The following PLPP4 variants were observed in gnomAD, a reference collection of about 807,000 sequenced individuals.
PLPP4 encodes the protein phospholipid phosphatase 4.
A neutral mutation model predicts 32.2 loss-of-function variants in PLPP4; 20 were observed. The observed-to-expected ratio is 0.62, with a 90% CI of 0.44 to 0.90. PLPP4 has a LOEUF of 0.90. Among genes scored for constraint, PLPP4 ranks in the 40% least tolerant of loss-of-function variants. The pLI is 0.00. For synonymous variants in PLPP4, 127 were observed against 133.0 expected, an observed-to-expected ratio of 0.95 and a Z score of 0.31; for missense variants, 257 against 353.1, an observed-to-expected ratio of 0.73 and a Z score of 2.18.
intron 1 of PLPP4, among the ~76,000 whole-genome samples, chr10:120,481,561 C>G (rs1260861130): frequency 6.6e-6 from 1 of 152,172 alleles, no homozygotes; most frequent in African/African-American, 2.4e-5. Flanking sequence ...GCTAACTCTT[C>G]CTGGAAGTTC....
chr10:120,528,068 CGT>C (rs1491335356), intron 5 of PLPP4, among the ~76,000 whole-genome samples: 4 of 120,272 alleles, frequency 3.3e-5, no homozygotes, highest in African/African-American at 1.4e-4. Context: ...TACCACTCTC[CGT>C]TTTTTTTTTT....
chr10:120,571,407 G>A (rs1341006968), intron 5 of PLPP4, among the ~76,000 whole-genome samples: 2 of 151,980 alleles, frequency 1.3e-5, no homozygotes, highest in Non-Finnish European at 2.9e-5. Flanking sequence ...AGGTAGGGTG[G>A]GGGACAGACA....
At chr10:120,574,240 C>T (rs571223782) in intron 5 of PLPP4, among the ~76,000 whole-genome samples, 10 of 122,982 alleles carry the variant, frequency 8.1e-5, no homozygotes, top group East Asian at 2.6e-4. Flanking sequence ...CTCCAGACCA[C>T]TACAAACAGA....
intron 5 of PLPP4, among the ~76,000 whole-genome samples, chr10:120,534,722 T>C (rs985703235): frequency 1.3e-5 from 2 of 152,166 alleles, no homozygotes; most frequent in African/African-American, 2.4e-5. Flanking sequence ...TCCAATCTAC[T>C]GCTAAGGCCC....
intron 5 of PLPP4, among the ~76,000 whole-genome samples, chr10:120,524,926 T>C (rs1432762773): frequency 6.8e-6 from 1 of 147,660 alleles, no homozygotes. Context: ...AGAGAGAGGA[T>C]AGATATGAGA....
At chr10:120,465,456 T>G (rs1848268606) in intron 1 of PLPP4, among the ~76,000 whole-genome samples, 2 of 152,214 alleles carry the variant, frequency 1.3e-5, no homozygotes, top group Non-Finnish European at 2.9e-5. Context: ...AACTAGTTGT[T>G]ATTCTATCTC....
At chr10:120,511,373 C>G (rs750702848) in intron 2 of PLPP4, among the ~76,000 whole-genome samples, 7 of 152,168 alleles carry the variant, frequency 4.6e-5, no homozygotes, top group Non-Finnish European at 8.8e-5. Context: ...CCTTTGGAAG[C>G]CTCATTGGGA....
At chr10:120,515,232 C>A (rs2133894922) in intron 3 of PLPP4, among the ~76,000 whole-genome samples, 1 of 152,324 alleles carries the variant, frequency 6.6e-6, no homozygotes, top group Admixed American at 6.5e-5. Flanking sequence ...TCAGAGGCAC[C>A]TCACAGGGAC....
chr10:120,573,377 C>T (rs1452677900), intron 5 of PLPP4, among the ~76,000 whole-genome samples: 4 of 152,026 alleles, frequency 2.6e-5, no homozygotes, highest in Middle Eastern at 3.4e-3. Flanking sequence ...TGTTTGTAAC[C>T]GAGATCGCTT....
At chr10:120,476,119 G>A (rs940422579) in intron 1 of PLPP4, among the ~76,000 whole-genome samples, 2 of 152,196 alleles carry the variant, frequency 1.3e-5, no homozygotes, top group East Asian at 3.9e-4. Flanking sequence ...CAGTGGAGCT[G>A]GGACTTGGGT....
intron 1 of PLPP4, among the ~76,000 whole-genome samples, chr10:120,494,491 C>T (rs1844872008): frequency 6.6e-6 from 1 of 152,210 alleles, no homozygotes; most frequent in Admixed American, 6.5e-5. Flanking sequence ...GGACATGACT[C>T]CCGGCTCTGC....
chr10:120,518,142 A>G (rs1453237762), intron 3 of PLPP4, among the ~76,000 whole-genome samples: 1 of 152,132 alleles, frequency 6.6e-6, no homozygotes, highest in Non-Finnish European at 1.5e-5. Flanking sequence ...CTTCGGGACA[A>G]TCTGTGCTGC....
At chr10:120,501,588 T>A (rs1845252155) in intron 1 of PLPP4, among the ~76,000 whole-genome samples, 1 of 152,204 alleles carries the variant, frequency 6.6e-6, no homozygotes, top group African/African-American at 2.4e-5. Context: ...GAGCTTGGAT[T>A]TGAACGTTGC....
At chr10:120,563,010 C>T (rs1265688839) in intron 5 of PLPP4, among the ~76,000 whole-genome samples, 3 of 152,114 alleles carry the variant, frequency 2.0e-5, no homozygotes, top group African/African-American at 7.2e-5. Context: ...GAAGCCAAGG[C>T]GGGTGGATCA....
In PLPP4 at chr10:120,591,446, A is replaced by G. The variant is rs1005963474; in HGVS notation, c.*1944A>G. Among the ~76,000 whole-genome samples, 1 of 152,198 alleles carries G rather than the reference A, an allele frequency of 6.6e-6. No homozygotes were observed. The highest frequency in any genetic ancestry group is 1.5e-5 in the Non-Finnish European group (1 of 68,020). ...AAGCAACTTTGAAGATGAATGTGAG[A>G]TATTTTAAGAGATAAATCATAGCAA... On this transcript the variant is annotated 3_prime_UTR_variant, in exon 7 of 7. Transcript: ENST00000398250.
chr10:120,518,771 G>C, intron 3 of PLPP4, 62 bp from the exon 4 acceptor site: 2 of 1,252,276 alleles, frequency 1.6e-6, no homozygotes, highest in Non-Finnish European at 2.3e-6. Context: ...TGATAATGAT[G>C]ATGATGATTT....
Position 120,464,038 on chromosome 10 carries a change from C to T in PLPP4, c.56+6677C>T, listed in dbSNP as rs1000943234. On this transcript the variant is annotated intron_variant, in intron 1 of 6. Transcript: ENST00000398250. ...TATGCTGGTCTTGAACTGCTGGGCTCACAAGATCCTCCCACTTTGGCCTCC... is the reference window on the plus strand; with the variant it reads ...TATGCTGGTCTTGAACTGCTGGGCTTACAAGATCCTCCCACTTTGGCCTCC... Among the ~76,000 whole-genome samples the T allele has an allele frequency of 2.6e-5, 4 of 152,150 alleles. No individual in the cohort carries two copies. In the South Asian group the frequency reaches 8.3e-4, roughly 32 times the overall value.
At position 120,518,905 on chromosome 10, in the gene PLPP4, CAAG is replaced by C. The variant is rs749951647; in HGVS notation, c.320+15_320+17del. On this transcript the variant is annotated intron_variant, in intron 4 of 6. Coordinates refer to ENST00000398250, the MANE Select transcript of PLPP4 (RefSeq NM_001030059.3). ...AAATTAATAGTGGGAAGGTAAGTTCCAAGAAGAATGAAATGGTGACTTAGACTA... is the reference window on the plus strand; with the variant it reads ...AAATTAATAGTGGGAAGGTAAGTTCCAAGAATGAAATGGTGACTTAGACTA... 1 of 1,606,322 alleles carries C rather than the reference CAAG, an allele frequency of 6.2e-7. No homozygotes were observed. Among genetic ancestry groups the C allele is most frequent in the Non-Finnish European group, 8.5e-7 (1 of 1,175,098 alleles).
intron 1 of PLPP4, among the ~76,000 whole-genome samples, chr10:120,477,536 G>A (rs921258798): frequency 6.6e-6 from 1 of 152,156 alleles, no homozygotes; most frequent in African/African-American, 2.4e-5. Flanking sequence ...CCTCTGATGG[G>A]AAATCAGAAA....
Sources: gnomAD v4.1 joint callset for allele counts (sites outside exome capture counted in the v4.1 genomes callset) on GRCh38, gnomAD v4.1.1 for gene constraint, MANE v1.5 for transcripts, NCBI Gene and HGNC (gene_info 2026-07-23, HGNC 2026-07-21) for gene names.